The following DOCK8 variants were observed in gnomAD, a reference collection of about 807,000 sequenced individuals.
DOCK8 encodes dedicator of cytokinesis protein 8.
Under a neutral mutation model 245.6 loss-of-function variants are expected in DOCK8, and 141 were observed. That is an observed-to-expected ratio of 0.57 (90% CI 0.50 to 0.66). The LOEUF (loss-of-function observed/expected upper bound fraction) is 0.66, where lower values mean the gene tolerates loss of function less well. Among genes scored for constraint, DOCK8 ranks in the 30% least tolerant of loss-of-function variants. The pLI, the probability that DOCK8 is intolerant of heterozygous loss-of-function variation, is 0.00. For missense variants in DOCK8, 2,965 were observed against 2,603.4 expected (o/e 1.14, Z -3.02); for synonymous variants, 1,168 against 970.2 (o/e 1.20, Z -3.79).
chr9:307,419 C>A (rs1235931600), intron 5 of DOCK8, among the ~76,000 whole-genome samples: 1 of 136,736 alleles, frequency 7.3e-6, no homozygotes, highest in Non-Finnish European at 1.5e-5. Context: ...AGTGCAATGG[C>A]ATGATCTCGG....
intron 9 of DOCK8, among the ~76,000 whole-genome samples, chr9:328,855 T>C (rs940669427): frequency 1.3e-5 from 2 of 151,890 alleles, no homozygotes; most frequent in African/African-American, 4.8e-5. Context: ...CCAGATCCTT[T>C]CTCTGTACAC....
intron 19 of DOCK8, 35 bp downstream of exon 19, chr9:376,340 G>A (rs1672683456): frequency 7.0e-7 from 1 of 1,431,678 alleles, no homozygotes; most frequent in African/African-American, 1.4e-5. Flanking sequence ...GAAGGTAAAG[G>A]TGCAGCGGAG....
chr9:352,979 A>T (rs1173696802), intron 14 of DOCK8, among the ~76,000 whole-genome samples: 1 of 152,038 alleles, frequency 6.6e-6, no homozygotes, highest in Non-Finnish European at 1.5e-5. Context: ...AATACTCGTC[A>T]CCCTGTGAAT....
At chr9:355,409 G>A (rs996514928) in intron 14 of DOCK8, among the ~76,000 whole-genome samples, 19 of 151,638 alleles carry the variant, frequency 1.3e-4, no homozygotes, top group Admixed American at 1.2e-3. Flanking sequence ...TCACCTTGTT[G>A]GCCAGGATGG....
At chr9:345,718 T>C (rs2051849670) in intron 14 of DOCK8, among the ~76,000 whole-genome samples, 1 of 152,186 alleles carries the variant, frequency 6.6e-6, no homozygotes, top group Non-Finnish European at 1.5e-5. Context: ...TTCTTTGCCC[T>C]GCCCCTTCAG....
chr9:452,045 A>C lies in DOCK8; in HGVS notation c.5996A>C (p.Glu1999Ala). 6.2e-7 allele frequency: 1 copy of C among 1,601,132 alleles called. No individual in the cohort carries two copies. Among genetic ancestry groups the C allele is most frequent in the East Asian group, 2.2e-5 (1 of 44,492 alleles). Residue 1999 changes from glutamate to alanine, a missense_variant, in exon 46 of 48, where the codon GAA (glutamate) becomes GCA (alanine). By Grantham distance (107) the Glu-to-Ala change is moderately radical. Coordinates refer to ENST00000432829, the MANE Select transcript of DOCK8 (RefSeq NM_203447.4). ...PLEVAQVFLA[E>A]IPADPKLYRH... ...GAAGTAGCCCAAGTGTTTTTGGCTG[A>C]AATTCCTGCTGATCCAAAACTCTAT...
intron 1 of DOCK8, among the ~76,000 whole-genome samples, chr9:217,796 T>C (rs1224626341): frequency 1.3e-5 from 2 of 152,190 alleles, no homozygotes; most frequent in Non-Finnish European, 2.9e-5. Flanking sequence ...TCATGAAGTC[T>C]TGTACAGAAG....
intron 10 of DOCK8, among the ~76,000 whole-genome samples, chr9:333,400 G>A (rs972295853): frequency 6.6e-6 from 1 of 152,178 alleles, no homozygotes; most frequent in East Asian, 1.9e-4. Flanking sequence ...AGAAGATTGA[G>A]ACCATCCTGG....
intron 26 of DOCK8, 23 bp from the exon 27 acceptor site, chr9:404,895 C>A: frequency 6.2e-7 from 1 of 1,613,422 alleles, no homozygotes; most frequent in South Asian, 1.1e-5. Context: ...ATGTTTCATT[C>A]CTCTTTTCAT....
Position 441,193 on chromosome 9 carries a change from C to G in DOCK8, c.5224-93C>G, listed in dbSNP as rs2057083426. The stretch of plus-strand genomic sequence containing the variant: ...ACTGTGATACAACAATAAATTCACT[C>G]TCCAGCACATTGTTTGGACAATGAC... On this transcript the variant is annotated intron_variant, in intron 40 of 47. Coordinates refer to ENST00000432829, the MANE Select transcript of DOCK8 (RefSeq NM_203447.4). The G allele has an allele frequency of 3.2e-6, 5 of 1,557,444 alleles. No individual in the cohort carries two copies. The South Asian group carries it at 5.6e-5, about 17-fold the overall frequency.
At chr9:275,405 A>AAG (rs2048304461) in intron 2 of DOCK8, among the ~76,000 whole-genome samples, 3 of 152,160 alleles carry the variant, frequency 2.0e-5, no homozygotes, top group Non-Finnish European at 4.4e-5. Context: ...CTTGATTGAG[A>AAG]AGGCTGAGAA....
At chr9:235,005 G>T (rs185740939) in intron 1 of DOCK8, among the ~76,000 whole-genome samples, 251 of 152,166 alleles carry the variant, frequency 1.6e-3, no homozygotes, top group African/African-American at 5.9e-3. Flanking sequence ...TTTCTGCTCT[G>T]TTTTTTTCCC....
upstream of DOCK8, chr9:213,813 C>G (rs1000590288): frequency 6.6e-6 from 1 of 151,330 alleles, no homozygotes; most frequent in Non-Finnish European, 1.5e-5. Flanking sequence ...ACTGCAAGCT[C>G]CGCCTCCCGG....
intron 23 of DOCK8, among the ~76,000 whole-genome samples, chr9:390,120 G>C (rs886793840): frequency 6.6e-6 from 1 of 152,170 alleles, no homozygotes; most frequent in African/African-American, 2.4e-5. Flanking sequence ...TGGTCACACA[G>C]AGAGTTTTCA....
chr9:310,295 T>C (rs2050038521), intron 5 of DOCK8, among the ~76,000 whole-genome samples: 1 of 151,794 alleles, frequency 6.6e-6, no homozygotes, highest in Admixed American at 6.6e-5. Flanking sequence ...ATCTTTCCTA[T>C]TGGCTTTATT....
In DOCK8 at chr9:396,835, T is replaced by C. The variant is rs7034926; in HGVS notation, c.3021T>C (p.Phe1007=). Reference sequence around the variant, plus strand: ...ATAACATGGACAAACGGGACAGTTTTCGGAGGACTCGTTTTTCTGACCGTT... The same window carrying C: ...ATAACATGGACAAACGGGACAGTTTCCGGAGGACTCGTTTTTCTGACCGTT... The part of the protein sequence containing the change: ...HVHNMDKRDS[F]RRTRFSDRFM... Residue 1007 remains phenylalanine (F), a synonymous_variant, in exon 25 of 48, where the codon TTT becomes TTC. Transcript: ENST00000432829. The C allele has an allele frequency of 5.3e-3, 8,573 of 1,614,142 alleles. 356 individuals carry two copies. In the African/African-American group the frequency reaches 0.093, roughly 18 times the overall value.
At chr9:356,454 C>CA (rs2052451164) in intron 14 of DOCK8, among the ~76,000 whole-genome samples, 1 of 150,480 alleles carries the variant, frequency 6.6e-6, no homozygotes, top group South Asian at 2.1e-4. Flanking sequence ...AGCGTGAACC[C>CA]AGGAGGCAGA....
chr9:429,333 A>G (rs550710424), intron 35 of DOCK8, among the ~76,000 whole-genome samples: 2 of 152,298 alleles, frequency 1.3e-5, no homozygotes, highest in East Asian at 3.9e-4. Context: ...TTTAAAAAGT[A>G]AAATTCTTCT....
rs538213415 is a variant in DOCK8, at chr9:299,937, G to C, written c.405-4644G>C. The stretch of plus-strand genomic sequence containing the variant: ...CTCAGGAGACTGAGGCAGGAGAATG[G>C]TGTGAACCCGGGAGGCAGAGCTTGC... On this transcript the variant is annotated intron_variant, in intron 4 of 47. Transcript: ENST00000432829. Among the ~76,000 whole-genome samples the C allele has an allele frequency of 8.6e-5, 13 of 151,866 alleles. No homozygotes were observed. The South Asian group carries it at 2.7e-3, about 32-fold the overall frequency.
Sources: allele counts gnomAD v4.1 joint callset (sites outside exome capture counted in the v4.1 genomes callset), GRCh38; gene constraint gnomAD v4.1.1; transcripts MANE v1.5; gene names NCBI Gene and HGNC (gene_info 2026-07-23, HGNC 2026-07-21).